PRR12: variants seen among roughly 807,000 people sequenced by gnomAD.
PRR12 encodes the protein proline rich 12.
A neutral mutation model predicts 138.0 loss-of-function variants in PRR12; 12 were observed. The ratio of observed to expected loss-of-function variants is 0.09; its 90% CI spans 0.06 to 0.14. PRR12 has a LOEUF of 0.14. PRR12 is among the 10% of genes least tolerant of loss of function. PRR12 has a pLI of 1.00. For missense variants in PRR12, 2,692 were observed against 2,861.3 expected (o/e 0.94, Z 1.35); for synonymous variants, 1,567 against 1,291.7 (o/e 1.21, Z -4.57).
At chr19:49,593,766 T>C (rs1439617167) in intron 2 of PRR12, among the ~76,000 whole-genome samples, 1 of 152,198 alleles carries the variant, frequency 6.6e-6, no homozygotes, top group Non-Finnish European at 1.5e-5. Flanking sequence ...CCCTATTCTT[T>C]TGGCTCTTTG....
chr19:49,595,295 C>T lies in PRR12; in HGVS notation c.960C>T (p.Tyr320=), dbSNP rs1484201029. The change falls in exon 4 of 14, where the codon TAC becomes TAT. Residue 320 remains tyrosine (Y), a synonymous_variant. Coordinates refer to ENST00000418929, the MANE Select transcript of PRR12 (RefSeq NM_020719.3). ...ACTATCTGAGCTGTGGAGGCAGCTA[C>T]CCCTCCATGGGCCACCGGGCCAACC... ...LQHYLSCGGS[Y]PSMGHRANLA... is the part of the protein sequence containing the mutation. 47 of 1,545,392 alleles carry T rather than the reference C, an allele frequency of 3.0e-5. No homozygotes were observed. The highest frequency in any genetic ancestry group is 4.0e-5 in the Non-Finnish European group (46 of 1,146,366).
At chr19:49,615,066 A>T in intron 8 of PRR12, 57 bp downstream of exon 8, 1 of 1,603,532 alleles carries the variant, frequency 6.2e-7, no homozygotes, top group Non-Finnish European at 8.5e-7. Context: ...AGGCATGGGG[A>T]TGCGGCATGC....
chr19:49,598,136 C>T (rs974020417), intron 4 of PRR12, 123 bp downstream of exon 4: 395 of 1,107,704 alleles, frequency 3.6e-4, no homozygotes, highest in Non-Finnish European at 4.3e-4. Context: ...TGCAGTGGCA[C>T]GATCTCGGTT....
chr19:49,615,081 G>C, intron 8 of PRR12, 72 bp downstream of exon 8: 1 of 1,585,548 alleles, frequency 6.3e-7, no homozygotes, highest in Non-Finnish European at 8.6e-7. Context: ...GCATGCAAGA[G>C]AGAAGGCTGG....
In PRR12 at chr19:49,597,833, G is replaced by A. The variant is rs1179534474; in HGVS notation, c.3498G>A (p.Gly1166=). The A allele has an allele frequency of 5.4e-6, 8 of 1,495,316 alleles. No homozygotes were observed. The highest frequency in any genetic ancestry group is 2.8e-5 in the African/African-American group (2 of 71,208). 92.6% of individuals were successfully genotyped at this position (1,495,316 alleles called of 1,614,324 possible). A position where few individuals can be genotyped will look rare whatever the true frequency, so the allele number is the denominator to read the frequency against. ...GRKPTKAKRD[G]PPRPRGRPRI... ...AGCCCACGAAGGCGAAACGTGATGGGCCACCCCGGCCACGGGGGAGGCCCC... is the reference window on the plus strand; with the variant it reads ...AGCCCACGAAGGCGAAACGTGATGGACCACCCCGGCCACGGGGGAGGCCCC... The change falls in exon 4 of 14, where the codon GGG becomes GGA. Residue 1166 remains glycine (G), a synonymous_variant. Transcript: ENST00000418929. This position sits in a 1 kb window ranked among gnomAD's most constrained non-coding sequence, Gnocchi z 6.3.
chr19:49,599,416 C>T lies in PRR12; in HGVS notation c.3823C>T (p.Pro1275Ser), dbSNP rs1272245117. The T allele has an allele frequency of 6.2e-7, 1 of 1,610,666 alleles. No homozygotes were observed. The highest frequency in any genetic ancestry group is 1.3e-5 in the African/African-American group (1 of 74,892). ...GATTAAGGAGGTGGAGGAGAAGCAG[C>T]CGGAGATGAAGTCGGGTTTCATGGC... is the stretch of plus-strand genomic sequence containing the variant. The part of the protein sequence containing the change: ...AKIKEVEEKQ[P>S]EMKSGFMASF... The change falls in exon 5 of 14, where the codon CCG (proline) becomes TCG (serine). Residue 1275 changes from proline (P) to serine (S), a missense_variant. Pro to Ser is a moderately conservative substitution (Grantham distance 74). This residue lies in a region of PRR12 where 326 missense variants were observed against 344.2 expected (regional missense o/e 0.95). Transcript: ENST00000418929. The surrounding 1 kb of genome is among the most constrained non-coding windows in gnomAD (Gnocchi z 5.0).
rs1164424706 is a variant in PRR12, at chr19:49,614,073, C to T, written c.4774-460C>T. 6.6e-6 allele frequency among the ~76,000 whole-genome samples: 1 copy of T among 152,152 alleles called. No homozygotes were observed. Among genetic ancestry groups the T allele is most frequent in the Non-Finnish European group, 1.5e-5 (1 of 68,030 alleles). The stretch of plus-strand genomic sequence containing the variant: ...GCAGTGAGCTGAGATTGCGCCACTG[C>T]ACTCCAACCTGGGCAACAAGAGCAA... On this transcript the variant is annotated intron_variant, in intron 6 of 13. Coordinates refer to ENST00000418929, the MANE Select transcript of PRR12 (RefSeq NM_020719.3). This position sits in a 1 kb window ranked among gnomAD's most constrained non-coding sequence, Gnocchi z 5.0.
At chr19:49,602,331 T>A (rs111339490) in intron 6 of PRR12, among the ~76,000 whole-genome samples, 4 of 152,130 alleles carry the variant, frequency 2.6e-5, no homozygotes, top group South Asian at 2.1e-4. Context: ...GCTTTGCCAT[T>A]TATGGCACAA....
chr19:49,620,432 A>G lies in PRR12; in HGVS notation c.5578A>G (p.Thr1860Ala). 1.3e-6 allele frequency: 2 copies of G among 1,593,516 alleles called. No homozygotes were observed. Among genetic ancestry groups the G allele is most frequent in the Non-Finnish European group, 1.7e-6 (2 of 1,170,000 alleles). ...GAGCTACGTGGAGATGTTGGTGAGC[A>G]CAGCACTTGACCCAGACATGATCCA... is the stretch of plus-strand genomic sequence containing the variant. ...YRSYVEMLVS[T>A]ALDPDMIQAL... The change falls in exon 10 of 14, where the codon ACA (threonine) becomes GCA (alanine). Residue 1860 changes from threonine (T) to alanine (A), a missense_variant. Thr to Ala is a moderately conservative substitution (Grantham distance 58). Coordinates refer to ENST00000418929, the MANE Select transcript of PRR12 (RefSeq NM_020719.3).
rs2080726299 is a variant in PRR12, at chr19:49,591,579, G to A, written c.-76G>A. 2.5e-6 allele frequency: 2 copies of A among 799,174 alleles called. No individual in the cohort carries two copies. Among genetic ancestry groups the A allele is most frequent in the Non-Finnish European group, 3.6e-6 (2 of 553,356 alleles). 49.5% of individuals were successfully genotyped at this position (799,174 alleles called of 1,614,324 possible). A position where few individuals can be genotyped will look rare whatever the true frequency, so the allele number is the denominator to read the frequency against. On this transcript the variant is annotated 5_prime_UTR_variant, in exon 1 of 14. Coordinates refer to ENST00000418929, the MANE Select transcript of PRR12 (RefSeq NM_020719.3). ...AAAAGCAGCAGCGGAGGGAGCGGCG[G>A]CGGAGGAGAGCGCGCGCGCGCCCCC...
chr19:49,609,755 A>T (rs2122340251), intron 6 of PRR12, among the ~76,000 whole-genome samples: 1 of 152,240 alleles, frequency 6.6e-6, no homozygotes, highest in Non-Finnish European at 1.5e-5. Context: ...TGGACAGTGA[A>T]TGCTGAGGCT....
At chr19:49,615,381 G>A (rs1167203104) in intron 8 of PRR12, among the ~76,000 whole-genome samples, 3 of 143,090 alleles carry the variant, frequency 2.1e-5, no homozygotes, top group Non-Finnish European at 4.7e-5. Flanking sequence ...CCCAGAGACG[G>A]GAGGGGACAG....
chr19:49,606,414 C>T (rs1372567626), intron 6 of PRR12, among the ~76,000 whole-genome samples: 1 of 150,742 alleles, frequency 6.6e-6, no homozygotes, highest in Non-Finnish European at 1.5e-5. Flanking sequence ...CACATTCAAG[C>T]GATTCTTCTG....
At chr19:49,618,345 C>G (rs2080903407) in intron 9 of PRR12, among the ~76,000 whole-genome samples, 1 of 152,066 alleles carries the variant, frequency 6.6e-6, no homozygotes, top group Non-Finnish European at 1.5e-5. Context: ...ACACAGTCAC[C>G]TGACCAGACT....
Position 49,625,648 on chromosome 19 carries a change from C to T in PRR12, c.*41C>T, listed in dbSNP as rs75849027. On this transcript the variant is annotated 3_prime_UTR_variant, in exon 14 of 14. Transcript: ENST00000418929. This position sits in a 1 kb window ranked among gnomAD's most constrained non-coding sequence, Gnocchi z 5.5. The stretch of plus-strand genomic sequence containing the variant: ...TGAGGGGGGCGCCTCCTCCATGAAC[C>T]GAGAATTGGGACAGAACCGTGTCCT... 0.035 allele frequency: 54,342 copies of T among 1,563,098 alleles called. 1,344 individuals are homozygous for T. Among genetic ancestry groups the T allele is most frequent in the South Asian group, 0.1 (8,758 of 85,190 alleles).
At chr19:49,621,052 G>C (rs1332877604) in intron 10 of PRR12, among the ~76,000 whole-genome samples, 3 of 114,880 alleles carry the variant, frequency 2.6e-5, no homozygotes, top group East Asian at 2.8e-4. Flanking sequence ...GAGGGAGGAG[G>C]GGCTGGGGCC....
intron 6 of PRR12, among the ~76,000 whole-genome samples, chr19:49,606,357 G>A (rs2080838097): frequency 6.6e-6 from 1 of 151,080 alleles, no homozygotes. Context: ...TGTCTCCCAG[G>A]GTGGAGTGCA....
At chr19:49,618,908 C>G (rs1045319225) in intron 9 of PRR12, among the ~76,000 whole-genome samples, 2 of 151,950 alleles carry the variant, frequency 1.3e-5, no homozygotes, top group Non-Finnish European at 2.9e-5. Flanking sequence ...GATCTTTCTA[C>G]GCTTACACTC....
chr19:49,617,864 G>A (rs1019460183), intron 9 of PRR12, among the ~76,000 whole-genome samples: 10 of 152,246 alleles, frequency 6.6e-5, no homozygotes, highest in African/African-American at 1.9e-4. Flanking sequence ...TTGAGAGGCC[G>A]AAGCGGGCAA....
Sources: allele counts gnomAD v4.1 joint callset (sites outside exome capture counted in the v4.1 genomes callset), GRCh38; gene constraint gnomAD v4.1.1; regional missense constraint gnomAD v4.1.1; non-coding constraint Gnocchi (gnomAD v3.1); transcripts MANE v1.5; gene names NCBI Gene and HGNC (gene_info 2026-07-23, HGNC 2026-07-21).